Variants in GPR37 observed in about 807,000 individuals in gnomAD.
The protein encoded by GPR37 is prosaposin receptor GPR37.
In GPR37, 20 loss-of-function variants were observed where a neutral mutation model predicts 43.6. That is an observed-to-expected ratio of 0.46 (90% CI 0.32 to 0.67). The LOEUF (loss-of-function observed/expected upper bound fraction) is 0.67, where lower values mean the gene tolerates loss of function less well. Ranked by LOEUF, GPR37 falls within the 30% of genes least tolerant of loss-of-function variation. The probability of loss-of-function intolerance (pLI) is 0.03; values close to 1 mark genes in which losing one functional copy is unlikely to be tolerated. For synonymous variants in GPR37, 315 were observed against 322.6 expected, an observed-to-expected ratio of 0.98 and a Z score of 0.25; for missense variants, 724 against 797.2, an observed-to-expected ratio of 0.91 and a Z score of 1.11.
rs776497146 is a variant in GPR37 at position 124,764,951 on chromosome 7, G to A, written c.26C>T (p.Ala9Val). 13 of 1,505,894 alleles carry A rather than the reference G, an allele frequency of 8.6e-6. No individual in the cohort carries two copies. In the South Asian group the frequency reaches 1.7e-4, roughly 20 times the overall value. 93.3% of individuals were successfully genotyped at this position (1,505,894 alleles called of 1,614,324 possible). The change falls in exon 1 of 2, where the codon GCC becomes GTC. Residue 9 changes from alanine to valine, a missense_variant. Transcript: ENST00000303921. This position sits in a 1 kb window ranked among gnomAD's most constrained non-coding sequence, Gnocchi z 5.4. MRAPGALL[A>V]RMSRLLLLLL... ...CAGAAGCAGTAGCCGCGACATGCGG[G>A]CGAGAAGCGCGCCCGGGGCTCGCAT...
chr7:124,761,110 C>T (rs1793845756), intron 1 of GPR37, among the ~76,000 whole-genome samples: 1 of 143,260 alleles, frequency 7.0e-6, no homozygotes, highest in African/African-American at 2.6e-5. Context: ...GAGCTGAGAT[C>T]GTGCCACTGC....
chr7:124,755,470 CT>C (rs1334546211), intron 1 of GPR37, among the ~76,000 whole-genome samples: 1 of 152,114 alleles, frequency 6.6e-6, no homozygotes, highest in Admixed American at 6.6e-5. Context: ...CAAAACTTGT[CT>C]TGATTCCATA....
chr7:124,749,765 G>GA (rs199869195), intron 1 of GPR37, among the ~76,000 whole-genome samples: 62 of 147,598 alleles, frequency 4.2e-4, no homozygotes, highest in Non-Finnish European at 5.6e-4. Context: ...AAGCAAAAAT[G>GA]AAAAAAAAAA....
Position 124,765,358 on chromosome 7 carries a change from G to C in GPR37, c.-382C>G, listed in dbSNP as rs1793908373. The C allele has an allele frequency of 4.8e-6, 1 of 207,114 alleles. No homozygotes were observed. The highest frequency in any genetic ancestry group is 2.3e-5 in the African/African-American group (1 of 43,620). 12.8% of individuals were successfully genotyped at this position (207,114 alleles called of 1,614,324 possible). A position where few individuals can be genotyped will look rare whatever the true frequency, so the allele number is the denominator to read the frequency against. On this transcript the variant is annotated 5_prime_UTR_variant, in exon 1 of 2. Coordinates refer to ENST00000303921, the MANE Select transcript of GPR37 (RefSeq NM_005302.5). The stretch of plus-strand genomic sequence containing the variant: ...CCACACTCCTCACTGCCTTTGGGTG[G>C]GGGTGGTGGCCTTCTTGGTAACAGT...
intron 1 of GPR37, among the ~76,000 whole-genome samples, chr7:124,758,360 CTCATATATTGAGCACA>C (rs1793814206): frequency 6.6e-6 from 1 of 152,180 alleles, no homozygotes; most frequent in African/African-American, 2.4e-5. Context: ...CAGCACCATT[CTCATATATTGAGCACA>C]TTTTCCCTAA....
At chr7:124,751,432 G>A (rs1195472135) in intron 1 of GPR37, among the ~76,000 whole-genome samples, 1 of 152,008 alleles carries the variant, frequency 6.6e-6, no homozygotes, top group Non-Finnish European at 1.5e-5. Context: ...TTTATAGGAG[G>A]CTTTAAATAT....
At chr7:124,754,753 T>C (rs1006875930) in intron 1 of GPR37, among the ~76,000 whole-genome samples, 1 of 152,168 alleles carries the variant, frequency 6.6e-6, no homozygotes, top group Non-Finnish European at 1.5e-5. Flanking sequence ...AACCCATTCA[T>C]TTGGGCTGTG....
Position 124,746,423 on chromosome 7 carries a change from TTTC to T in GPR37, c.*99_*101del. On this transcript the variant is annotated 3_prime_UTR_variant, in exon 2 of 2. Transcript: ENST00000303921. ...GTAGTTAATATTTCTTTCTTTATTG[TTTC>T]TTTTTTGCATTTTTCCCTATAAGGA... 6.0e-6 allele frequency: 5 copies of T among 840,006 alleles called. No individual in the cohort carries two copies. In the South Asian group the frequency reaches 7.9e-5, roughly 13 times the overall value. 52.0% of individuals were successfully genotyped at this position (840,006 alleles called of 1,614,324 possible). A position where few individuals can be genotyped will look rare whatever the true frequency, so the allele number is the denominator to read the frequency against.
rs954518385 is a variant in GPR37 at position 124,764,201 on chromosome 7, T to C, written c.776A>G (p.Tyr259Cys). Residue 259 changes from tyrosine to cysteine, a missense_variant, in exon 1 of 2, where the codon TAT becomes TGT. Transcript: ENST00000303921. The surrounding 1 kb of genome is among the most constrained non-coding windows in gnomAD (Gnocchi z 5.4). ...CAGACACATGACCGCGTAGGCTCCA[T>C]AGGACTCCTGGGTCAGCGGGTAGAA... ...NPFYPLTQES[Y>C]GAYAVMCLSV... 14 of 1,594,154 alleles carry C rather than the reference T, an allele frequency of 8.8e-6. No individual in the cohort carries two copies. Among genetic ancestry groups the C allele is most frequent in the Middle Eastern group, 1.7e-4 (1 of 5,952 alleles).
intron 1 of GPR37, among the ~76,000 whole-genome samples, chr7:124,748,150 G>A (rs2284214): frequency 0.46 from 69,475 of 151,742 alleles, 16,066 homozygotes; most frequent in East Asian, 0.54. Flanking sequence ...AAGACTCCCT[G>A]TGAATTTGGA....
rs58723361 is a variant in GPR37, at chr7:124,764,925, G to C, written c.52C>G (p.Leu18Val). The stretch of plus-strand genomic sequence containing the variant: ...GAAGAGGCAGACACCTTGAGCAGTA[G>C]CAGAAGCAGTAGCCGCGACATGCGG... Reference protein sequence around the residue: ...LARMSRLLLLLLLKVSASSAL... With the variant: ...LARMSRLLLLVLLKVSASSAL... The change falls in exon 1 of 2, where the codon CTA becomes GTA. Residue 18 changes from leucine to valine, a missense_variant. Around this residue, in one of 2 missense-constraint regions of GPR37, gnomAD observed 382 missense variants for 355.4 expected, o/e 1.07. Transcript: ENST00000303921. This position sits in a 1 kb window ranked among gnomAD's most constrained non-coding sequence, Gnocchi z 5.4. 1 of 1,559,378 alleles carries C rather than the reference G, an allele frequency of 6.4e-7. No homozygotes were observed. The highest frequency in any genetic ancestry group is 8.7e-7 in the Non-Finnish European group (1 of 1,155,318).
At chr7:124,750,452 A>G (rs1261784730) in intron 1 of GPR37, among the ~76,000 whole-genome samples, 1 of 152,162 alleles carries the variant, frequency 6.6e-6, no homozygotes, top group East Asian at 1.9e-4. Context: ...TAATATAAAA[A>G]TACTGGAGAC....
Position 124,747,129 on chromosome 7 carries a change from C to T in GPR37, c.1238G>A (p.Arg413Gln), listed in dbSNP as rs531412697. Residue 413 changes from arginine to glutamine, a missense_variant, in exon 2 of 2, where the codon CGA (arginine) becomes CAA (glutamine). Physicochemically the swap from Arg to Gln is conservative, Grantham distance 43. Around this residue, in one of 2 missense-constraint regions of GPR37, gnomAD observed 342 missense variants for 441.8 expected, o/e 0.77. Coordinates refer to ENST00000303921, the MANE Select transcript of GPR37 (RefSeq NM_005302.5). ...AATAATGCACCTTTCTGCCGGAGCT[C>T]GGCCACTAAACCCCAAATCCTCCTT... ...LSKEDLGFSGRAPAERCIIKI... is the reference protein window; with the variant it reads ...LSKEDLGFSGQAPAERCIIKI... 6.2e-6 allele frequency: 10 copies of T among 1,613,930 alleles called. No homozygotes were observed. The East Asian group carries it at 6.7e-5, about 11-fold the overall frequency.
intron 1 of GPR37, among the ~76,000 whole-genome samples, chr7:124,749,620 T>C (rs779130087): frequency 6.6e-6 from 1 of 152,124 alleles, no homozygotes; most frequent in Non-Finnish European, 1.5e-5. Context: ...TTCCTCCTTA[T>C]ACACTACATA....
chr7:124,752,214 CCATT>C (rs756736431), intron 1 of GPR37, among the ~76,000 whole-genome samples: 15 of 152,008 alleles, frequency 9.9e-5, no homozygotes, highest in Non-Finnish European at 1.8e-4. Context: ...TAAACTGTTC[CCATT>C]ATTATGCCTT....
chr7:124,746,961 A>G lies in GPR37; in HGVS notation c.1406T>C (p.Ile469Thr), dbSNP rs1343244915. The G allele has an allele frequency of 1.9e-6, 3 of 1,613,788 alleles. No individual in the cohort carries two copies. The highest frequency in any genetic ancestry group is 1.7e-6 in the Non-Finnish European group (2 of 1,179,934). The change falls in exon 2 of 2, where the codon ATC (isoleucine) becomes ACC (threonine). Residue 469 changes from isoleucine to threonine, a missense_variant. Coordinates refer to ENST00000303921, the MANE Select transcript of GPR37 (RefSeq NM_005302.5). ...ITCSLVTARK[I>T]RKAEKACTRG... ...GGTACAGGCTTTCTCTGCTTTGCGG[A>G]TTTTCCTCGCAGTCACTAGAGAGCA...
rs1241673483 is a variant in GPR37, at chr7:124,764,115, G to A, written c.862C>T (p.His288Tyr). The A allele has an allele frequency of 6.2e-7, 1 of 1,613,134 alleles. No individual in the cohort carries two copies. Among genetic ancestry groups the A allele is most frequent in the Non-Finnish European group, 8.5e-7 (1 of 1,179,540 alleles). The stretch of plus-strand genomic sequence containing the variant: ...GAGATGCTCCGCATGTAGTAGTTGT[G>A]GCACACGATGCACATCACCGCCAGG... ...GNLAVMCIVCHNYYMRSISNS... is the reference protein window; with the variant it reads ...GNLAVMCIVCYNYYMRSISNS... The change falls in exon 1 of 2, where the codon CAC becomes TAC. Residue 288 changes from histidine (H) to tyrosine (Y), a missense_variant. Coordinates refer to ENST00000303921, the MANE Select transcript of GPR37 (RefSeq NM_005302.5). The surrounding 1 kb of genome is among the most constrained non-coding windows in gnomAD (Gnocchi z 5.4).
At chr7:124,762,873 C>T (rs537875818) in intron 1 of GPR37, among the ~76,000 whole-genome samples, 2 of 152,134 alleles carry the variant, frequency 1.3e-5, no homozygotes, top group East Asian at 1.9e-4. Context: ...TCAGGGGCTG[C>T]GGAATATTTA....
chr7:124,758,102 CATT>C (rs35683122), intron 1 of GPR37, among the ~76,000 whole-genome samples: 51,797 of 151,816 alleles, frequency 0.34, 9,254 homozygotes, highest in East Asian at 0.51. Context: ...GACACATTCT[CATT>C]ATGATCAATG....
Sources: gnomAD v4.1 joint callset for allele counts (sites outside exome capture counted in the v4.1 genomes callset) on GRCh38, gnomAD v4.1.1 for gene constraint, gnomAD v4.1.1 regional missense constraint, Gnocchi (gnomAD v3.1) non-coding constraint, MANE v1.5 for transcripts, NCBI Gene and HGNC (gene_info 2026-07-23, HGNC 2026-07-21) for gene names.